The following TTC13 variants were observed in gnomAD, a reference collection of about 807,000 sequenced individuals.
TTC13 encodes tetratricopeptide repeat protein 13.
A neutral mutation model predicts 120.0 loss-of-function variants in TTC13; 62 were observed. That is an observed-to-expected ratio of 0.52 (90% CI 0.42 to 0.64). TTC13 has a LOEUF of 0.64. Among genes scored for constraint, TTC13 ranks in the 30% least tolerant of loss-of-function variants. The pLI, the probability that TTC13 is intolerant of heterozygous loss-of-function variation, is 0.00. For synonymous variants in TTC13, 384 were observed against 393.5 expected, an observed-to-expected ratio of 0.98 and a Z score of 0.28; for missense variants, 824 against 1,050.2, an observed-to-expected ratio of 0.78 and a Z score of 2.98.
chr1:230,948,127 G>A (rs1484613439), intron 4 of TTC13, among the ~76,000 whole-genome samples: 1 of 152,112 alleles, frequency 6.6e-6, no homozygotes, highest in Non-Finnish European at 1.5e-5. Flanking sequence ...ATTATTCAGT[G>A]ACTCCCCAAC....
At chr1:230,915,902 C>G in intron 18 of TTC13, among the ~76,000 whole-genome samples, 1 of 78,752 alleles carries the variant, frequency 1.3e-5, no homozygotes, top group Non-Finnish European at 2.8e-5. Context: ...AAGCCTCCCT[C>G]GCCCCCCCAA....
Position 230,924,039 on chromosome 1 carries a change from A to G in TTC13, c.1722-106T>C, listed in dbSNP as rs1466203220. On this transcript the variant is annotated intron_variant, in intron 14 of 22. Coordinates refer to ENST00000366661, the MANE Select transcript of TTC13 (RefSeq NM_024525.5). ...GGGATAAAGCAACAGCTAGTCCATCATATCTAAAAACGTGATGTCCATACC... is the reference window on the plus strand; with the variant it reads ...GGGATAAAGCAACAGCTAGTCCATCGTATCTAAAAACGTGATGTCCATACC... The G allele has an allele frequency of 1.3e-5, 9 of 705,060 alleles. No homozygotes were observed. The East Asian group carries it at 2.0e-4, about 15-fold the overall frequency. 43.7% of individuals were successfully genotyped at this position (705,060 alleles called of 1,614,324 possible).
intron 1 of TTC13, among the ~76,000 whole-genome samples, chr1:230,971,558 C>T (rs1319738911): frequency 6.6e-6 from 1 of 152,072 alleles, no homozygotes; most frequent in African/African-American, 2.4e-5. Context: ...TAGACACTGC[C>T]TGCTGATTAT....
At chr1:230,920,660 A>G (rs190898305) in intron 16 of TTC13, 66 bp from the exon 17 acceptor site, 7 of 965,866 alleles carry the variant, frequency 7.2e-6, no homozygotes, top group East Asian at 5.5e-5. Flanking sequence ...TAATCATGCA[A>G]TTATCTTTAA....
rs983015441 is a variant in TTC13 at position 230,943,281 on chromosome 1, G to A, written c.672+525C>T. 2.0e-5 allele frequency among the ~76,000 whole-genome samples: 3 copies of A among 150,554 alleles called. No individual in the cohort carries two copies. In the Admixed American group the frequency reaches 2.0e-4, roughly 10 times the overall value. On this transcript the variant is annotated intron_variant, in intron 6 of 22. Coordinates refer to ENST00000366661, the MANE Select transcript of TTC13 (RefSeq NM_024525.5). The stretch of plus-strand genomic sequence containing the variant: ...ATTATTATTATACTTTAAGTTTTAG[G>A]GTACATGTGCACAATGTGCAGGTTT...
intron 3 of TTC13, among the ~76,000 whole-genome samples, chr1:230,954,825 A>G (rs142643894): frequency 2.0e-5 from 3 of 152,318 alleles, no homozygotes; most frequent in East Asian, 1.9e-4. Flanking sequence ...ACAAATCTCA[A>G]TTCCTGGGAG....
chr1:230,943,745 G>GA (rs1674733994), intron 6 of TTC13, 61 bp downstream of exon 6: 3 of 1,382,328 alleles, frequency 2.2e-6, no homozygotes, highest in Non-Finnish European at 3.0e-6. Flanking sequence ...AAAGTAATAG[G>GA]AAAAAAATTG....
intron 15 of TTC13, 129 bp downstream of exon 15, chr1:230,923,712 A>C (rs1387193584): frequency 1.4e-6 from 1 of 698,812 alleles, no homozygotes; most frequent in Non-Finnish European, 2.5e-6. Context: ...ACAGGTGCAG[A>C]GTCAATCAGT....
chr1:230,911,111 G>C (rs953413754), intron 20 of TTC13, among the ~76,000 whole-genome samples: 3 of 152,184 alleles, frequency 2.0e-5, no homozygotes, highest in Non-Finnish European at 4.4e-5. Context: ...TCACCTGACA[G>C]CCCAAAATGG....
At chr1:230,914,735 G>A (rs1462358018) in intron 18 of TTC13, among the ~76,000 whole-genome samples, 2 of 152,050 alleles carry the variant, frequency 1.3e-5, no homozygotes, top group Non-Finnish European at 2.9e-5. Context: ...CTACTTTACT[G>A]TAAGAATACA....
chr1:230,907,131 T>A (rs189007954), intron 22 of TTC13, 112 bp from the exon 23 acceptor site: 163 of 445,726 alleles, frequency 3.7e-4, no homozygotes, highest in African/African-American at 2.8e-3. Flanking sequence ...TGTTGTAATA[T>A]CAAACAGTGT....
At position 230,906,474 on chromosome 1, in the gene TTC13, C is replaced by G. The variant is rs1245544985; in HGVS notation, c.*431G>C. On this transcript the variant is annotated 3_prime_UTR_variant, in exon 23 of 23. Coordinates refer to ENST00000366661, the MANE Select transcript of TTC13 (RefSeq NM_024525.5). ...ACCCACACATGGAGGTTACGTGAGT[C>G]AACAAAAGATGCTCTATCACAATGT... 1 of 152,500 alleles carries G rather than the reference C, an allele frequency of 6.6e-6. No homozygotes were observed. Among genetic ancestry groups the G allele is most frequent in the East Asian group, 1.9e-4 (1 of 5,190 alleles). The allele number at this position is 152,500 out of a possible 1,614,324, so 9.4% of individuals were successfully genotyped here.
At chr1:230,909,594 C>T (rs545427480) in intron 20 of TTC13, among the ~76,000 whole-genome samples, 4 of 152,300 alleles carry the variant, frequency 2.6e-5, no homozygotes, top group Admixed American at 6.5e-5. Flanking sequence ...ATCGCTCCAC[C>T]GCACTCCAGC....
At chr1:230,975,113 G>A (rs12741525) in intron 1 of TTC13, among the ~76,000 whole-genome samples, 36,573 of 151,796 alleles carry the variant, frequency 0.24, 4,668 homozygotes, top group Non-Finnish European at 0.28. Context: ...GGTGTCTCAC[G>A]TCTGTAATCC....
At chr1:230,971,434 T>C (rs1677737638) in intron 1 of TTC13, among the ~76,000 whole-genome samples, 1 of 150,772 alleles carries the variant, frequency 6.6e-6, no homozygotes. Flanking sequence ...AAGTGGTAAA[T>C]TCCTTTGAGA....
intron 6 of TTC13, among the ~76,000 whole-genome samples, chr1:230,941,446 C>G (rs990342539): frequency 6.6e-6 from 1 of 152,082 alleles, no homozygotes; most frequent in Non-Finnish European, 1.5e-5. Flanking sequence ...CAGGGTTGTG[C>G]CATCATGCCC....
intron 4 of TTC13, among the ~76,000 whole-genome samples, chr1:230,953,445 G>C (rs1023795773): frequency 9.9e-5 from 15 of 152,194 alleles, no homozygotes; most frequent in African/African-American, 3.6e-4. Flanking sequence ...ATGGTACTTT[G>C]ACTAGCCAAA....
In TTC13 at chr1:230,909,145, C is replaced by A. The variant is rs111284611; in HGVS notation, c.2310-125G>T. 5.4e-4 allele frequency: 401 copies of A among 739,448 alleles called. 4 individuals are homozygous for A. The East Asian group carries it at 0.01, about 19-fold the overall frequency. 45.8% of individuals were successfully genotyped at this position (739,448 alleles called of 1,614,324 possible). On this transcript the variant is annotated intron_variant, in intron 20 of 22. Coordinates refer to ENST00000366661, the MANE Select transcript of TTC13 (RefSeq NM_024525.5). ...TCAAAAATTCTTTCAAATAAAACAC[C>A]GAATGTTTCATTTAACATGAAAATA...
chr1:230,924,441 T>C (rs1672870184), intron 14 of TTC13, among the ~76,000 whole-genome samples: 1 of 152,226 alleles, frequency 6.6e-6, no homozygotes, highest in African/African-American at 2.4e-5. Flanking sequence ...CACGCCATTC[T>C]CCTGCCTCAG....
Sources: gnomAD v4.1 joint callset for allele counts (sites outside exome capture counted in the v4.1 genomes callset) on GRCh38, gnomAD v4.1.1 for gene constraint, MANE v1.5 for transcripts, NCBI Gene and HGNC (gene_info 2026-07-23, HGNC 2026-07-21) for gene names.